Variants in STIM1 observed in about 807,000 individuals in gnomAD.
The protein encoded by STIM1 is stromal interaction molecule 1.
STIM1 carries 25 observed loss-of-function variants against 74.7 expected under a neutral mutation model. The ratio of observed to expected loss-of-function variants is 0.33; its 90% confidence interval spans 0.24 to 0.47. The LOEUF is 0.47. STIM1 is among the 20% of genes least tolerant of loss of function. STIM1 has a pLI of 1.00. For missense variants in STIM1, 728 were observed against 920.8 expected, an observed-to-expected ratio of 0.79 and a Z score of 2.71; for synonymous variants, 328 against 348.8, an observed-to-expected ratio of 0.94 and a Z score of 0.66.
intron 1 of STIM1, among the ~76,000 whole-genome samples, chr11:3,925,058 A>C (rs1171590977): frequency 6.6e-6 from 1 of 152,228 alleles, no homozygotes; most frequent in Non-Finnish European, 1.5e-5. Flanking sequence ...TATTTAATAT[A>C]TATTTTCTAA....
intron 1 of STIM1, among the ~76,000 whole-genome samples, chr11:3,921,653 G>A (rs2092719523): frequency 6.7e-6 from 1 of 148,440 alleles, no homozygotes; most frequent in South Asian, 2.1e-4. Context: ...AAGGGGTGGA[G>A]TCTAATTCCT....
intron 1 of STIM1, among the ~76,000 whole-genome samples, chr11:3,911,346 A>G (rs538971545): frequency 6.6e-6 from 1 of 152,302 alleles, no homozygotes; most frequent in East Asian, 1.9e-4. Flanking sequence ...CTTTTCAGCA[A>G]ACATTTTTCT....
chr11:3,954,785 A>AT (rs552903666), intron 1 of STIM1, among the ~76,000 whole-genome samples: 62 of 152,356 alleles, frequency 4.1e-4, no homozygotes, highest in African/African-American at 1.4e-3. Context: ...TGGACATATC[A>AT]TGCATGACTG....
chr11:3,911,109 A>T (rs147141585), intron 1 of STIM1, among the ~76,000 whole-genome samples: 2 of 152,210 alleles, frequency 1.3e-5, no homozygotes, highest in Non-Finnish European at 2.9e-5. Flanking sequence ...CAGTGGTAGC[A>T]TTGGGGAGAT....
chr11:4,052,958 C>T (rs1450212024), intron 3 of STIM1, among the ~76,000 whole-genome samples: 3 of 152,228 alleles, frequency 2.0e-5, no homozygotes, highest in Admixed American at 2.0e-4. Context: ...GACATTTATG[C>T]AGCCAACAGA....
At chr11:4,043,665 C>T (rs750615344) in intron 3 of STIM1, among the ~76,000 whole-genome samples, 2 of 152,032 alleles carry the variant, frequency 1.3e-5, no homozygotes, top group African/African-American at 4.8e-5. Context: ...AACACATATA[C>T]GTATATTGGC....
chr11:3,929,882 C>CT (rs756277468), intron 1 of STIM1, among the ~76,000 whole-genome samples: 10 of 152,158 alleles, frequency 6.6e-5, no homozygotes, highest in Non-Finnish European at 1.2e-4. Flanking sequence ...CGTGACTGGT[C>CT]TATTAATAGA....
chr11:4,030,328 A>C (rs1459801596), intron 3 of STIM1, among the ~76,000 whole-genome samples: 1 of 82,830 alleles, frequency 1.2e-5, no homozygotes, highest in East Asian at 3.3e-4. Context: ...CTCCATCTCA[A>C]AAAAAAAAAA....
intron 2 of STIM1, among the ~76,000 whole-genome samples, chr11:4,009,062 C>T (rs569420267): frequency 6.6e-6 from 1 of 151,498 alleles, no homozygotes; most frequent in Admixed American, 6.6e-5. Flanking sequence ...GAGGCCGAGG[C>T]GGGCAGATCA....
chr11:3,863,974 G>A lies in STIM1; in HGVS notation c.139+7565G>A, dbSNP rs555547481. On this transcript the variant is annotated intron_variant, in intron 1 of 12. Coordinates refer to ENST00000526596, the MANE Select transcript of STIM1 (RefSeq NM_001382567.1). ...AGTGGGTATAGGTTTGGTGCTATCC[G>A]CTGGGAGTCTTAGCATGCATCCCCC... is the stretch of plus-strand genomic sequence containing the variant. Among the ~76,000 whole-genome samples the A allele has an allele frequency of 3.9e-5, 6 of 152,050 alleles. No individual in the cohort carries two copies. The South Asian group carries it at 8.3e-4, about 21-fold the overall frequency.
At chr11:4,068,498 G>A (rs1395524144) in intron 5 of STIM1, among the ~76,000 whole-genome samples, 8 of 152,300 alleles carry the variant, frequency 5.3e-5, no homozygotes, top group African/African-American at 1.9e-4. Flanking sequence ...GAGGAGGCAG[G>A]TGTGTTCCAG....
intron 4 of STIM1, among the ~76,000 whole-genome samples, chr11:4,057,718 A>C (rs2094301005): frequency 6.6e-6 from 1 of 151,948 alleles, no homozygotes; most frequent in African/African-American, 2.4e-5. Context: ...AAAATACAAA[A>C]AATTAGCCAG....
At position 4,084,725 on chromosome 11, in the gene STIM1, A is replaced by G. The variant is rs1202168478; in HGVS notation, c.1527A>G (p.Thr509=). The change falls in exon 11 of 13, where the codon ACA becomes ACG. Residue 509 remains threonine (T), a synonymous_variant. Coordinates refer to ENST00000526596, the MANE Select transcript of STIM1 (RefSeq NM_001382567.1). ...RRFSDRSLCS[T]SAGSDDQSLW... Reference sequence around the variant, plus strand: ...TCAGTGACCGCTCTCTCTGCTCTACATCCGCCGGCTCGGATGATCAGTCCC... The same window carrying G: ...TCAGTGACCGCTCTCTCTGCTCTACGTCCGCCGGCTCGGATGATCAGTCCC... 3.1e-6 allele frequency: 4 copies of G among 1,289,312 alleles called. No homozygotes were observed. The Admixed American group carries it at 6.9e-5, about 22-fold the overall frequency. The allele number at this position is 1,289,312 out of a possible 1,614,324, so 79.9% of individuals were successfully genotyped here.
intron 1 of STIM1, among the ~76,000 whole-genome samples, chr11:3,878,566 G>A (rs1047859113): frequency 1.3e-5 from 2 of 152,154 alleles, no homozygotes; most frequent in Non-Finnish European, 2.9e-5. Context: ...TCATCTGGCA[G>A]TGTCAGTGCA....
intron 2 of STIM1, among the ~76,000 whole-genome samples, chr11:4,018,400 C>T (rs1182396312): frequency 7.9e-6 from 1 of 126,048 alleles, no homozygotes; most frequent in Non-Finnish European, 1.6e-5. Flanking sequence ...TGCAGTGAGC[C>T]GAGATTGCGC....
chr11:3,895,037 C>T (rs2092016911), intron 1 of STIM1, among the ~76,000 whole-genome samples: 1 of 152,058 alleles, frequency 6.6e-6, no homozygotes, highest in Non-Finnish European at 1.5e-5. Flanking sequence ...GCGTGAGCCA[C>T]CGCGCCCGGC....
chr11:3,952,705 G>A (rs2093164332), intron 1 of STIM1, among the ~76,000 whole-genome samples: 1 of 152,236 alleles, frequency 6.6e-6, no homozygotes, highest in Non-Finnish European at 1.5e-5. Context: ...AGTTCAGCTA[G>A]TTCAGTCATC....
intron 1 of STIM1, among the ~76,000 whole-genome samples, chr11:3,929,201 CT>C (rs1243985058): frequency 2.0e-5 from 3 of 152,180 alleles, no homozygotes; most frequent in Non-Finnish European, 4.4e-5. Context: ...TGATGGTATG[CT>C]AAGATTGGGA....
chr11:4,056,141 G>A lies in STIM1; in HGVS notation c.497+504G>A, dbSNP rs145116755. ...CTCTTTTATCACCCGGGAGCCTCAG[G>A]GCTCTTTTAGCCTCCCCTGGGTTAT... On this transcript the variant is annotated intron_variant, in intron 4 of 12. Transcript: ENST00000526596. Among the ~76,000 whole-genome samples the A allele has an allele frequency of 7.3e-4, 111 of 152,104 alleles. 1 individual carries two copies. Among genetic ancestry groups the A allele is most frequent in the African/African-American group, 2.5e-3 (102 of 41,486 alleles).
Sources: allele counts gnomAD v4.1 joint callset (sites outside exome capture counted in the v4.1 genomes callset), GRCh38; gene constraint gnomAD v4.1.1; transcripts MANE v1.5; gene names NCBI Gene and HGNC (gene_info 2026-07-23, HGNC 2026-07-21).